COX7B2: variants seen among roughly 807,000 people sequenced by gnomAD.
The protein encoded by COX7B2 is cytochrome c oxidase subunit 7B2, also known as cytochrome c oxidase subunit 7B2, mitochondrial.
For missense variants in COX7B2, 109 were observed against 95.9 expected, an observed-to-expected ratio of 1.14 and a Z score of -0.57; for synonymous variants, 37 against 32.1, an observed-to-expected ratio of 1.15 and a Z score of -0.51.
chr4:46,802,545 T>G (rs1419645238), intron 2 of COX7B2, among the ~76,000 whole-genome samples: 1 of 152,138 alleles, frequency 6.6e-6, no homozygotes, highest in African/African-American at 2.4e-5. Context: ...TAATTATAAG[T>G]CAGAAAATCA....
At chr4:46,766,215 A>G (rs1002571775) in intron 2 of COX7B2, among the ~76,000 whole-genome samples, 1 of 152,258 alleles carries the variant, frequency 6.6e-6, no homozygotes, top group African/African-American at 2.4e-5. Context: ...ACACCCCATA[A>G]GGTGTAGGAA....
chr4:46,768,445 T>G (rs1291360428), intron 2 of COX7B2, among the ~76,000 whole-genome samples: 3 of 152,012 alleles, frequency 2.0e-5, no homozygotes, highest in Non-Finnish European at 2.9e-5. Flanking sequence ...GAGTTTGGGG[T>G]TTTTATGGGA....
chr4:46,859,480 T>TG (rs1717211889), intron 1 of COX7B2, among the ~76,000 whole-genome samples: 1 of 152,210 alleles, frequency 6.6e-6, no homozygotes, highest in Non-Finnish European at 1.5e-5. Flanking sequence ...AAAATGGTGC[T>TG]GGGGAAGTGG....
intron 2 of COX7B2, among the ~76,000 whole-genome samples, chr4:46,769,529 A>G (rs917877923): frequency 6.6e-6 from 1 of 152,110 alleles, no homozygotes; most frequent in African/African-American, 2.4e-5. Context: ...AGCCTGGCCA[A>G]TATGGTGAAA....
chr4:46,743,188 A>T (rs746706941), intron 2 of COX7B2, among the ~76,000 whole-genome samples: 29 of 152,170 alleles, frequency 1.9e-4, no homozygotes, highest in Non-Finnish European at 7.4e-5. Flanking sequence ...ACATTTCCTC[A>T]AAGTGGATGT....
At chr4:46,873,273 G>T (rs141583427) in intron 1 of COX7B2, among the ~76,000 whole-genome samples, 2 of 152,034 alleles carry the variant, frequency 1.3e-5, no homozygotes, top group African/African-American at 4.8e-5. Flanking sequence ...GAATAGTGCC[G>T]CAATAAACAT....
At chr4:46,745,891 T>A (rs1714994003) in intron 2 of COX7B2, among the ~76,000 whole-genome samples, 1 of 152,176 alleles carries the variant, frequency 6.6e-6, no homozygotes, top group South Asian at 2.1e-4. Context: ...GGTTTCAACC[T>A]CTATTTCATT....
At chr4:46,756,172 A>AGTAG (rs1715785916) in intron 2 of COX7B2, among the ~76,000 whole-genome samples, 1 of 151,980 alleles carries the variant, frequency 6.6e-6, no homozygotes, top group Admixed American at 6.6e-5. Context: ...TCTACAACCA[A>AGTAG]CTGATCTTCA....
At chr4:46,884,149 C>T (rs565933551) in intron 1 of COX7B2, among the ~76,000 whole-genome samples, 167 of 136,600 alleles carry the variant, frequency 1.2e-3, no homozygotes, top group African/African-American at 4.4e-3. Context: ...AATTCCCAAG[C>T]ATATCTAATT....
intron 2 of COX7B2, among the ~76,000 whole-genome samples, chr4:46,779,624 A>T (rs1717334342): frequency 6.6e-6 from 1 of 152,154 alleles, no homozygotes; most frequent in Admixed American, 6.5e-5. Context: ...CAATGGCTGC[A>T]CCAATCTACA....
At chr4:46,807,047 A>G (rs1719035525) in intron 2 of COX7B2, among the ~76,000 whole-genome samples, 1 of 151,936 alleles carries the variant, frequency 6.6e-6, no homozygotes, top group Admixed American at 6.5e-5. Context: ...AAGAGGAATT[A>G]CTTGATGATA....
chr4:46,817,261 C>T (rs1244941983), intron 2 of COX7B2, among the ~76,000 whole-genome samples: 1 of 152,092 alleles, frequency 6.6e-6, no homozygotes, highest in Non-Finnish European at 1.5e-5. Flanking sequence ...GAGTCAGGCC[C>T]TCTGCTAAGT....
intron 1 of COX7B2, among the ~76,000 whole-genome samples, chr4:46,905,406 G>A (rs910230426): frequency 2.0e-5 from 3 of 152,138 alleles, no homozygotes; most frequent in South Asian, 2.1e-4. Flanking sequence ...TTAGAAACCG[G>A]AACTGAATGT....
intron 2 of COX7B2, among the ~76,000 whole-genome samples, chr4:46,822,285 T>C (rs1367608276): frequency 6.6e-6 from 1 of 152,040 alleles, no homozygotes; most frequent in African/African-American, 2.4e-5. Flanking sequence ...CTAAATCACT[T>C]CCACAAAACT....
chr4:46,783,798 A>C (rs1415161904), intron 2 of COX7B2, among the ~76,000 whole-genome samples: 1 of 152,178 alleles, frequency 6.6e-6, no homozygotes, highest in Non-Finnish European at 1.5e-5. Flanking sequence ...AAAAGAAAGA[A>C]GAAGAAAAGA....
intron 1 of COX7B2, among the ~76,000 whole-genome samples, chr4:46,847,508 A>G (rs888531613): frequency 2.0e-5 from 3 of 152,098 alleles, no homozygotes; most frequent in Admixed American, 6.6e-5. Flanking sequence ...TGATACTCTG[A>G]CTGCAGCCTT....
intron 2 of COX7B2, among the ~76,000 whole-genome samples, chr4:46,738,865 T>A (rs1714532513): frequency 6.6e-6 from 1 of 152,066 alleles, no homozygotes; most frequent in Admixed American, 6.6e-5. Context: ...AAGAAATATG[T>A]TCTGAATAAA....
chr4:46,836,797 A>C (rs1470219247), intron 2 of COX7B2, among the ~76,000 whole-genome samples: 1 of 152,114 alleles, frequency 6.6e-6, no homozygotes, highest in Non-Finnish European at 1.5e-5. Context: ...GCACTATGAC[A>C]TTATGACTGT....
At chr4:46,903,558 A>C (rs1218086258) in intron 1 of COX7B2, among the ~76,000 whole-genome samples, 1 of 152,096 alleles carries the variant, frequency 6.6e-6, no homozygotes, top group Non-Finnish European at 1.5e-5. Context: ...ACATTTACTC[A>C]CTACTCACTC....
Sources: gnomAD v4.1 joint callset for allele counts (sites outside exome capture counted in the v4.1 genomes callset) on GRCh38, gnomAD v4.1.1 for gene constraint, MANE v1.5 for transcripts, NCBI Gene and HGNC (gene_info 2026-07-23, HGNC 2026-07-21) for gene names.